The following DCAF8 variants were observed in gnomAD, a reference collection of about 807,000 sequenced individuals.
The protein encoded by DCAF8 is DDB1- and CUL4-associated factor 8.
DCAF8 carries 20 observed loss-of-function variants against 68.0 expected under a neutral mutation model. That is an observed-to-expected ratio of 0.29 (90% confidence interval 0.21 to 0.43). The LOEUF is 0.43. Among genes scored for constraint, DCAF8 ranks in the 20% least tolerant of loss-of-function variants. The pLI, the probability that DCAF8 is intolerant of heterozygous loss-of-function variation, is 1.00. For synonymous variants in DCAF8, 230 were observed against 276.9 expected, an observed-to-expected ratio of 0.83 and a Z score of 1.68; for missense variants, 460 against 771.0, an observed-to-expected ratio of 0.60 and a Z score of 4.78.
chr1:160,250,454 G>A (rs112681266), intron 2 of DCAF8, among the ~76,000 whole-genome samples: 3,877 of 82,734 alleles, frequency 0.047, 82 homozygotes, highest in Non-Finnish European at 0.058. Context: ...CAACAAGAGC[G>A]AAACTGTCTC....
At chr1:160,252,782 T>C (rs1656650911) in intron 2 of DCAF8, among the ~76,000 whole-genome samples, 1 of 152,186 alleles carries the variant, frequency 6.6e-6, no homozygotes, top group Non-Finnish European at 1.5e-5. Flanking sequence ...TTTAGCTCAA[T>C]AAGCAGTTAC....
At chr1:160,235,031 TTA>T (rs1274818929) in intron 6 of DCAF8, among the ~76,000 whole-genome samples, 4 of 152,206 alleles carry the variant, frequency 2.6e-5, no homozygotes, top group Non-Finnish European at 4.4e-5. Context: ...AGCCTTCATG[TTA>T]TATTCCCCAA....
At chr1:160,252,421 A>G (rs1356731853) in intron 2 of DCAF8, among the ~76,000 whole-genome samples, 4 of 152,230 alleles carry the variant, frequency 2.6e-5, no homozygotes. Flanking sequence ...CAACGGGTAG[A>G]GTTGAGAAAG....
chr1:160,219,054 G>A, intron 11 of DCAF8, 86 bp from the exon 12 acceptor site: 1 of 1,564,368 alleles, frequency 6.4e-7, no homozygotes, highest in South Asian at 1.2e-5. Context: ...CCAAATAACT[G>A]CCCTTGATCA....
At chr1:160,245,824 G>C (rs552207592) in intron 2 of DCAF8, among the ~76,000 whole-genome samples, 2 of 152,200 alleles carry the variant, frequency 1.3e-5, no homozygotes, top group Non-Finnish European at 2.9e-5. Flanking sequence ...TCTCCATCTA[G>C]AGTTTAAAAT....
intron 10 of DCAF8, among the ~76,000 whole-genome samples, chr1:160,224,125 G>A (rs756871430): frequency 2.3e-4 from 35 of 152,202 alleles, no homozygotes; most frequent in Non-Finnish European, 4.1e-4. Context: ...ACTGACTAAA[G>A]AGGGCTTTCC....
At chr1:160,254,194 T>C (rs1656730463) in intron 2 of DCAF8, among the ~76,000 whole-genome samples, 1 of 151,908 alleles carries the variant, frequency 6.6e-6, no homozygotes, top group Non-Finnish European at 1.5e-5. Context: ...TGGTGGTGCA[T>C]GCCTGTAATC....
At chr1:160,218,489 C>G in intron 12 of DCAF8, 49 bp from the exon 13 acceptor site, 1 of 1,383,864 alleles carries the variant, frequency 7.2e-7, no homozygotes, top group Non-Finnish European at 1.0e-6. Flanking sequence ...AAGAGGAACC[C>G]GGGACCTGAT....
chr1:160,244,160 G>A, intron 2 of DCAF8, 126 bp from the exon 3 acceptor site: 3 of 690,018 alleles, frequency 4.3e-6, no homozygotes, highest in Non-Finnish European at 7.6e-6. Flanking sequence ...GTGTATGCAT[G>A]CTTAACAGGT....
chr1:160,218,837 T>C lies in DCAF8; in HGVS notation c.1560+12A>G. 6.2e-7 allele frequency: 1 copy of C among 1,613,958 alleles called. No individual in the cohort carries two copies. ...AGCAGAAAGAAAATAACTTCTGCAG[T>C]CAGCCACTTACATCTTTTAACCCTG... On this transcript the variant is annotated intron_variant, in intron 12 of 13. Transcript: ENST00000368074.
intron 4 of DCAF8, 49 bp downstream of exon 4, chr1:160,239,648 C>CT: frequency 6.2e-7 from 1 of 1,614,168 alleles, no homozygotes; most frequent in East Asian, 2.2e-5. Flanking sequence ...TCAGATTTCT[C>CT]TAACTCATGC....
chr1:160,227,603 C>T (rs182092432), intron 7 of DCAF8, among the ~76,000 whole-genome samples: 53 of 152,246 alleles, frequency 3.5e-4, no homozygotes, highest in East Asian at 1.3e-3. Flanking sequence ...GATGCTAGAA[C>T]GGAGTTTGGC....
At position 160,235,509 on chromosome 1, in the gene DCAF8, A is replaced by G. The variant is rs572593106; in HGVS notation, c.959+1626T>C. On this transcript the variant is annotated intron_variant, in intron 6 of 13. Transcript: ENST00000368074. The stretch of plus-strand genomic sequence containing the variant: ...GTAAAGGTTAAATAAACTGTGGTAC[A>G]CCAATGCTATGACATTTCTCTCATG... Among the ~76,000 whole-genome samples the G allele has an allele frequency of 1.9e-4, 29 of 152,106 alleles. No homozygotes were observed. In the South Asian group the frequency reaches 5.6e-3, roughly 29 times the overall value.
intron 7 of DCAF8, among the ~76,000 whole-genome samples, chr1:160,230,982 T>C (rs1307150368): frequency 6.6e-6 from 1 of 151,562 alleles, no homozygotes; most frequent in Non-Finnish European, 1.5e-5. Context: ...CCCAAACTCC[T>C]GTCCTTAGGT....
At chr1:160,238,867 T>C in intron 4 of DCAF8, 120 bp from the exon 5 acceptor site, 1 of 1,117,462 alleles carries the variant, frequency 8.9e-7, no homozygotes, top group Non-Finnish European at 1.2e-6. Flanking sequence ...GCTGGAAACT[T>C]AGCTTTCCTA....
chr1:160,221,817 C>CA (rs58539770), intron 11 of DCAF8, among the ~76,000 whole-genome samples: 6,032 of 61,470 alleles, frequency 0.098, 228 homozygotes, highest in African/African-American at 0.12. Flanking sequence ...TTCTAGGTCT[C>CA]AAAAAAAAAA....
In DCAF8 at chr1:160,240,313, G is replaced by A; in HGVS notation, c.107C>T (p.Ser36Phe). The A allele has an allele frequency of 6.2e-7, 1 of 1,613,820 alleles. No homozygotes were observed. The highest frequency in any genetic ancestry group is 8.5e-7 in the Non-Finnish European group (1 of 1,180,008). Reference sequence around the variant, plus strand: ...TGAGGCCTCCACTTCAATGCCTGAGGATGTCTCCCTCCCCTCTTCAGCTCC... The same window carrying A: ...TGAGGCCTCCACTTCAATGCCTGAGAATGTCTCCCTCCCCTCTTCAGCTCC... Reference protein sequence around the residue: ...MSGAEEGRETSSGIEVEASDL... With the variant: ...MSGAEEGRETFSGIEVEASDL... The change falls in exon 4 of 14, where the codon TCC (serine) becomes TTC (phenylalanine). Residue 36 changes from serine (S) to phenylalanine (F), a missense_variant. Physicochemically the swap from Ser to Phe is radical, Grantham distance 155. Transcript: ENST00000368074.
chr1:160,225,836 C>T (rs1655454026), intron 7 of DCAF8, among the ~76,000 whole-genome samples, 173 bp from the exon 8 acceptor site: 1 of 152,140 alleles, frequency 6.6e-6, no homozygotes, highest in African/African-American at 2.4e-5. Flanking sequence ...CAATCCATTT[C>T]CAAACCCTAA....
chr1:160,230,990 G>GGTGAGTGGCTCA (rs1265322087), intron 7 of DCAF8, among the ~76,000 whole-genome samples: 8 of 151,532 alleles, frequency 5.3e-5, no homozygotes, highest in Non-Finnish European at 1.2e-4. Flanking sequence ...CCTGTCCTTA[G>GGTGAGTGGCTCA]GTGATCCACC....
Sources: gnomAD v4.1 joint callset for allele counts (sites outside exome capture counted in the v4.1 genomes callset) on GRCh38, gnomAD v4.1.1 for gene constraint, MANE v1.5 for transcripts, NCBI Gene and HGNC (gene_info 2026-07-23, HGNC 2026-07-21) for gene names.